The following ACOXL variants were observed in gnomAD, a reference collection of about 807,000 sequenced individuals.
The protein encoded by ACOXL is acyl-coenzyme A oxidase-like protein.
ACOXL carries 70 observed loss-of-function variants against 71.9 expected under a neutral mutation model. The observed-to-expected ratio is 0.97, with a 90% CI of 0.80 to 1.19. The LOEUF is 1.19. ACOXL is among the 50% of genes most tolerant of loss of function. The pLI is 0.00. For synonymous variants in ACOXL, 253 were observed against 281.6 expected, an observed-to-expected ratio of 0.90 and a Z score of 1.02; for missense variants, 703 against 736.3, an observed-to-expected ratio of 0.95 and a Z score of 0.52.
At chr2:110,984,857 C>T (rs1003754313) in intron 12 of ACOXL, among the ~76,000 whole-genome samples, 2 of 152,230 alleles carry the variant, frequency 1.3e-5, no homozygotes, top group Admixed American at 6.5e-5. Context: ...CTGGGCAGTA[C>T]ATTGTCTGAT....
At position 110,987,228 on chromosome 2, in the gene ACOXL, C is replaced by T. The variant is rs748237060; in HGVS notation, c.1169+11C>T. 1.3e-5 allele frequency: 21 copies of T among 1,560,252 alleles called. No individual in the cohort carries two copies. The South Asian group carries it at 1.6e-4, about 12-fold the overall frequency. On this transcript the variant is annotated intron_variant, in intron 13 of 17. Transcript: ENST00000439055. ...CAAGCTGAGAACCAGGTACGTATTA[C>T]TCAGGCCATCATCATCTGCCTTCAG...
At chr2:111,003,212 A>C (rs1350545949) in intron 14 of ACOXL, among the ~76,000 whole-genome samples, 1 of 152,170 alleles carries the variant, frequency 6.6e-6, no homozygotes, top group East Asian at 1.9e-4. Context: ...CATAAAATAA[A>C]CGTTAGGCAT....
intron 12 of ACOXL, among the ~76,000 whole-genome samples, chr2:110,935,239 C>T (rs2149347391): frequency 6.6e-6 from 1 of 152,254 alleles, no homozygotes; most frequent in East Asian, 1.9e-4. Context: ...TTGCGCAGAA[C>T]CTCTTGCAGG....
Position 110,967,676 on chromosome 2 carries a change from A to G in ACOXL, c.1060-19432A>G, listed in dbSNP as rs560322429. Reference sequence around the variant, plus strand: ...AAAGAAATGAAAGGAGAAATAGACAAATCAACAATTATAGTTGGATATTTC... The same window carrying G: ...AAAGAAATGAAAGGAGAAATAGACAGATCAACAATTATAGTTGGATATTTC... On this transcript the variant is annotated intron_variant, in intron 12 of 17. Coordinates refer to ENST00000439055, the MANE Select transcript of ACOXL (RefSeq NM_001142807.4). 3.3e-5 allele frequency among the ~76,000 whole-genome samples: 5 copies of G among 152,340 alleles called. No individual in the cohort carries two copies. The South Asian group carries it at 8.3e-4, about 25-fold the overall frequency.
intron 9 of ACOXL, among the ~76,000 whole-genome samples, chr2:110,835,812 A>G (rs577681399): frequency 6.6e-6 from 1 of 152,270 alleles, no homozygotes; most frequent in East Asian, 1.9e-4. Context: ...GAAATGCCCA[A>G]GTTTGTGACT....
At chr2:110,836,699 G>A (rs968612431) in intron 9 of ACOXL, among the ~76,000 whole-genome samples, 15 of 152,182 alleles carry the variant, frequency 9.9e-5, no homozygotes, top group Non-Finnish European at 1.9e-4. Flanking sequence ...TTCTTTTAGT[G>A]TTTGTTTTGT....
At position 110,844,763 on chromosome 2, in the gene ACOXL, T is replaced by G. The variant is rs559822573; in HGVS notation, c.788+3358T>G. Among the ~76,000 whole-genome samples, 3 of 152,142 alleles carry G rather than the reference T, an allele frequency of 2.0e-5. No homozygotes were observed. In the East Asian group the frequency reaches 5.8e-4, roughly 29 times the overall value. On this transcript the variant is annotated intron_variant, in intron 10 of 17. Transcript: ENST00000439055. ...GGTTTCACCATGTTGGCCAGGCTGG[T>G]CTCGAACTCCTGACCTCAAGGGATC... is the stretch of plus-strand genomic sequence containing the variant.
At chr2:110,757,700 T>C (rs1679881034) in intron 1 of ACOXL, among the ~76,000 whole-genome samples, 1 of 152,224 alleles carries the variant, frequency 6.6e-6, no homozygotes, top group African/African-American at 2.4e-5. Flanking sequence ...TGTCTTCTTT[T>C]GAGAAGTGTC....
At chr2:110,741,614 C>T (rs1677549952) in intron 1 of ACOXL, among the ~76,000 whole-genome samples, 2 of 152,160 alleles carry the variant, frequency 1.3e-5, no homozygotes, top group African/African-American at 2.4e-5. Context: ...TACCTCTGAC[C>T]TCAACTGGAA....
intron 17 of ACOXL, chr2:111,102,105 G>A (rs2069204636): frequency 6.6e-6 from 1 of 152,616 alleles, no homozygotes; most frequent in South Asian, 2.1e-4. Flanking sequence ...GAAAATATGA[G>A]TACAAACAGT....
intron 16 of ACOXL, among the ~76,000 whole-genome samples, chr2:111,064,396 A>G (rs1558929569): frequency 6.8e-6 from 1 of 146,548 alleles, no homozygotes; most frequent in Non-Finnish European, 1.5e-5. Context: ...AGATTGCGCC[A>G]CTGCAGCCCG....
At chr2:111,097,697 T>G (rs2068884494) in intron 17 of ACOXL, among the ~76,000 whole-genome samples, 2 of 152,156 alleles carry the variant, frequency 1.3e-5, no homozygotes, top group Admixed American at 1.3e-4. Flanking sequence ...CTGAGAGAGC[T>G]CCTTCCCAGT....
chr2:110,886,380 C>CTTTTTTTTT (rs751607372), intron 10 of ACOXL, among the ~76,000 whole-genome samples: 38 of 131,406 alleles, frequency 2.9e-4, no homozygotes, highest in Non-Finnish European at 3.8e-4. Flanking sequence ...CCTTCTTTTT[C>CTTTTTTTTT]TTTTTTTTTT....
At chr2:111,104,698 CTG>C (rs2069413596) in intron 17 of ACOXL, among the ~76,000 whole-genome samples, 1 of 151,964 alleles carries the variant, frequency 6.6e-6, no homozygotes, top group Non-Finnish European at 1.5e-5. Context: ...TTTTTTTAAA[CTG>C]TTTATATGTT....
At chr2:111,017,882 G>C (rs17041761) in intron 14 of ACOXL, 22,515 of 152,112 alleles carry the variant, frequency 0.15, 1,720 homozygotes, top group East Asian at 0.23. Context: ...GCTCCTTACT[G>C]GCAGGTATCT....
intron 12 of ACOXL, among the ~76,000 whole-genome samples, chr2:110,978,361 AC>A (rs2062552264): frequency 6.6e-6 from 1 of 152,136 alleles, no homozygotes; most frequent in Admixed American, 6.5e-5. Context: ...TGGCATAATC[AC>A]CCCTGAACGT....
rs546466217 is a variant in ACOXL, at chr2:111,102,525, A to C, written c.1542+9559A>C. 6.6e-5 allele frequency among the ~76,000 whole-genome samples: 10 copies of C among 152,288 alleles called. No homozygotes were observed. The South Asian group carries it at 2.1e-3, about 32-fold the overall frequency. Reference sequence around the variant, plus strand: ...TCCTGGTCTCCTTGGGGAGATGCTTAAAGTGCTGGGAAATTGGGTGCCCTT... The same window carrying C: ...TCCTGGTCTCCTTGGGGAGATGCTTCAAGTGCTGGGAAATTGGGTGCCCTT... On this transcript the variant is annotated intron_variant, in intron 17 of 17. Transcript: ENST00000439055.
intron 1 of ACOXL, among the ~76,000 whole-genome samples, chr2:110,753,171 C>G (rs1445018055): frequency 6.6e-6 from 1 of 152,068 alleles, no homozygotes; most frequent in East Asian, 1.9e-4. Context: ...TACCCCCTCT[C>G]TTGCCATGTG....
intron 9 of ACOXL, among the ~76,000 whole-genome samples, chr2:110,807,825 T>TTGAGTGGAAAAATGGATCCACTTC (rs1686854804): frequency 2.0e-5 from 3 of 152,212 alleles, no homozygotes; most frequent in Admixed American, 6.5e-5. Context: ...CCTTCTGCTC[T>TTGAGTGGAAAAATGGATCCACTTC]TGCTGATGAG....
Sources: gnomAD v4.1 joint callset for allele counts (sites outside exome capture counted in the v4.1 genomes callset) on GRCh38, gnomAD v4.1.1 for gene constraint, MANE v1.5 for transcripts, NCBI Gene and HGNC (gene_info 2026-07-23, HGNC 2026-07-21) for gene names.